The following CNPY3 variants were observed in gnomAD, a reference collection of about 807,000 sequenced individuals.
CNPY3 encodes the protein protein canopy homolog 3.
CNPY3 carries 20 observed loss-of-function variants against 32.0 expected under a neutral mutation model. The ratio of observed to expected loss-of-function variants is 0.63; its 90% CI spans 0.44 to 0.91. The LOEUF is 0.91. Among genes scored for constraint, CNPY3 ranks in the 40% least tolerant of loss-of-function variants. The pLI, the probability that CNPY3 is intolerant of heterozygous loss-of-function variation, is 0.00. For missense variants in CNPY3, 299 were observed against 340.8 expected (o/e 0.88, Z 0.97); for synonymous variants, 138 against 142.9 (o/e 0.97, Z 0.24).
chr6:42,931,714 C>CTTA (rs550967975), intron 1 of CNPY3, among the ~76,000 whole-genome samples: 65 of 151,492 alleles, frequency 4.3e-4, no homozygotes, highest in East Asian at 1.7e-3. Flanking sequence ...TCTTTTCTGT[C>CTTA]TTATTATTAT....
upstream of CNPY3, chr6:42,929,458 G>T (rs1198414004): frequency 6.1e-6 from 7 of 1,146,804 alleles, no homozygotes; most frequent in East Asian, 1.8e-4. Flanking sequence ...AGCTGTTGTC[G>T]TGGTTGCTCG....
intron 4 of CNPY3, 53 bp downstream of exon 4, chr6:42,937,892 G>A (rs886682759): frequency 1.2e-5 from 19 of 1,610,324 alleles, no homozygotes; most frequent in Non-Finnish European, 1.4e-5. Flanking sequence ...AGGGGCTGGT[G>A]GGGATTGGGT....
upstream of CNPY3, among the ~76,000 whole-genome samples, chr6:42,928,987 T>C (rs533550372): frequency 8.2e-4 from 125 of 152,250 alleles, no homozygotes; most frequent in Non-Finnish European, 1.2e-3. Context: ...GTTTGAGTCG[T>C]CCTGCTTGCA....
chr6:42,930,617 G>GT (rs1767723678), intron 1 of CNPY3, among the ~76,000 whole-genome samples: 1 of 152,126 alleles, frequency 6.6e-6, no homozygotes, highest in Non-Finnish European at 1.5e-5. Flanking sequence ...CCGTCCCTTA[G>GT]TTTTCTCCTC....
At chr6:42,929,457 C>A (rs1483291626), upstream of CNPY3, 7 of 1,129,600 alleles carry the variant, frequency 6.2e-6, no homozygotes, top group Non-Finnish European at 8.5e-6. Context: ...TAGCTGTTGT[C>A]GTGGTTGCTC....
At chr6:42,937,669 G>A in intron 3 of CNPY3, 48 bp from the exon 4 acceptor site, 1 of 1,608,658 alleles carries the variant, frequency 6.2e-7, no homozygotes, top group Non-Finnish European at 8.5e-7. Flanking sequence ...ACGAGGGTGG[G>A]AGGGAGAGAA....
intron 1 of CNPY3, among the ~76,000 whole-genome samples, chr6:42,932,458 G>A (rs1477434771): frequency 6.6e-6 from 1 of 152,178 alleles, no homozygotes; most frequent in African/African-American, 2.4e-5. Flanking sequence ...TGTCTGTGCC[G>A]TGAATCTCCT....
At position 42,938,738 on chromosome 6, in the gene CNPY3, G is replaced by C. The variant is rs567190082; in HGVS notation, c.784G>C (p.Glu262Gln). 6.2e-6 allele frequency: 10 copies of C among 1,613,892 alleles called. No individual in the cohort carries two copies. Among genetic ancestry groups the C allele is most frequent in the Admixed American group, 3.3e-5 (2 of 59,984 alleles). ...GGGAGACCCCAGCCCCGAGGAGGATGAGGGCATCCAGAAGGCATCCCCTCT... is the reference window on the plus strand; with the variant it reads ...GGGAGACCCCAGCCCCGAGGAGGATCAGGGCATCCAGAAGGCATCCCCTCT... ...LEGDPSPEED[E>Q]GIQKASPLTH... Residue 262 changes from glutamate (E) to glutamine (Q), a missense_variant, in exon 6 of 6, where the codon GAG becomes CAG. Glu to Gln is a conservative substitution (Grantham distance 29). Coordinates refer to ENST00000372836, the MANE Select transcript of CNPY3 (RefSeq NM_006586.5).
chr6:42,932,444 C>T lies in CNPY3; in HGVS notation c.152-2031C>T, dbSNP rs187315860. Among the ~76,000 whole-genome samples, 17 of 152,136 alleles carry T rather than the reference C, an allele frequency of 1.1e-4. No homozygotes were observed. The East Asian group carries it at 2.5e-3, about 22-fold the overall frequency. On this transcript the variant is annotated intron_variant, in intron 1 of 5. Coordinates refer to ENST00000372836, the MANE Select transcript of CNPY3 (RefSeq NM_006586.5). ...AGAGTGGGTGGATGTCAGTGAGGGT[C>T]TGGTGTCTGTGCCGTGAATCTCCTG... is the stretch of plus-strand genomic sequence containing the variant.
chr6:42,928,007 A>G (rs1361468354), upstream of CNPY3, among the ~76,000 whole-genome samples: 1 of 141,022 alleles, frequency 7.1e-6, no homozygotes, highest in Non-Finnish European at 1.5e-5. Flanking sequence ...ATTATTTTTG[A>G]GATGGAGTCT....
In CNPY3 at chr6:42,935,929, C is replaced by A. The variant is rs576886223; in HGVS notation, c.372+259C>A. On this transcript the variant is annotated intron_variant, in intron 3 of 5. Coordinates refer to ENST00000372836, the MANE Select transcript of CNPY3 (RefSeq NM_006586.5). ...GCAGAAATGCTCCACAGTTGCTGCC[C>A]CCGTGGGAACCTAAAGACACTAGAA... is the stretch of plus-strand genomic sequence containing the variant. 3.0e-4 allele frequency among the ~76,000 whole-genome samples: 46 copies of A among 151,062 alleles called. 1 individual carries two copies. In the East Asian group the frequency reaches 7.7e-3, roughly 25 times the overall value.
intron 1 of CNPY3, among the ~76,000 whole-genome samples, chr6:42,931,082 A>G (rs1019615946): frequency 6.6e-6 from 1 of 151,684 alleles, no homozygotes; most frequent in Non-Finnish European, 1.5e-5. Flanking sequence ...TAGAGATGGG[A>G]TTTCATCATA....
Position 42,929,660 on chromosome 6 carries a change from G to GGGCCCGAGCCAGGCCGGAGCT in CNPY3, c.92_112dup (p.Gly31_Ala37dup), listed in dbSNP as rs759252581. ...TGCTGCTGCTGCCGGCCCCGGAGCT[G>GGGCCCGAGCCAGGCCGGAGCT]GGCCCGAGCCAGGCCGGAGCTGAGG... On this transcript the variant is annotated inframe_insertion, in exon 1 of 6. Coordinates refer to ENST00000372836, the MANE Select transcript of CNPY3 (RefSeq NM_006586.5). 16 of 1,553,178 alleles carry GGGCCCGAGCCAGGCCGGAGCT rather than the reference G, an allele frequency of 1.0e-5. No individual in the cohort carries two copies. In the African/African-American group the frequency reaches 1.8e-4, roughly 17 times the overall value.
At position 42,939,104 on chromosome 6, in the gene CNPY3, G is replaced by C. The variant is rs185024217; in HGVS notation, c.*313G>C. Reference sequence around the variant, plus strand: ...GTCAGAACTGGGCACCAGGACTGGAGCCCCCTCCGGAGACCAAACTCACCA... The same window carrying C: ...GTCAGAACTGGGCACCAGGACTGGACCCCCCTCCGGAGACCAAACTCACCA... On this transcript the variant is annotated 3_prime_UTR_variant, in exon 6 of 6. Coordinates refer to ENST00000372836, the MANE Select transcript of CNPY3 (RefSeq NM_006586.5). 1 of 1,146,016 alleles carries C rather than the reference G, an allele frequency of 8.7e-7. No homozygotes were observed. The highest frequency in any genetic ancestry group is 4.4e-5 in the Admixed American group (1 of 22,936). 71.0% of individuals were successfully genotyped at this position (1,146,016 alleles called of 1,614,324 possible).
At chr6:42,929,266 A>C, upstream of CNPY3, 2 of 324,514 alleles carry the variant, frequency 6.2e-6, no homozygotes, top group East Asian at 5.7e-5. Context: ...GGGGGTGGGA[A>C]AGGACTTTGC....
chr6:42,929,402 C>T (rs1223135874), upstream of CNPY3: 1 of 738,380 alleles, frequency 1.4e-6, no homozygotes. Context: ...CCTTGGTCCG[C>T]TTTGAAGGCG....
intron 3 of CNPY3, among the ~76,000 whole-genome samples, chr6:42,937,054 A>G (rs1768283671): frequency 6.6e-6 from 1 of 152,190 alleles, no homozygotes; most frequent in Non-Finnish European, 1.5e-5. Context: ...TGCCTCAGCT[A>G]TGCCTTTTTC....
In CNPY3 at chr6:42,929,506, C is replaced by T. The variant is rs927895328; in HGVS notation, c.-65C>T. ...CAGTCCCGGAAGCGGCGAGGGGAAA[C>T]TGCTCCGCGCGCGCCGCGGGAGGAG... is the stretch of plus-strand genomic sequence containing the variant. On this transcript the variant is annotated 5_prime_UTR_variant, in exon 1 of 6. Transcript: ENST00000372836. The T allele has an allele frequency of 3.4e-6, 5 of 1,479,840 alleles. No homozygotes were observed. In the African/African-American group the frequency reaches 6.9e-5, roughly 21 times the overall value. The allele number at this position is 1,479,840 out of a possible 1,614,324, so 91.7% of individuals were successfully genotyped here.
intron 1 of CNPY3, among the ~76,000 whole-genome samples, chr6:42,930,555 G>A (rs893759253): frequency 7.9e-5 from 12 of 151,798 alleles, no homozygotes; most frequent in Non-Finnish European, 7.4e-5. Context: ...AGAGAGAGAG[G>A]GAGCTACCAG....
Sources: allele counts gnomAD v4.1 joint callset (sites outside exome capture counted in the v4.1 genomes callset), GRCh38; gene constraint gnomAD v4.1.1; transcripts MANE v1.5; gene names NCBI Gene and HGNC (gene_info 2026-07-23, HGNC 2026-07-21).